IFFO2: variants seen among roughly 807,000 people sequenced by gnomAD.
IFFO2 encodes intermediate filament family orphan 2.
A neutral mutation model predicts 53.5 loss-of-function variants in IFFO2; 19 were observed. That is an observed-to-expected ratio of 0.36 (90% CI 0.25 to 0.52). The LOEUF (loss-of-function observed/expected upper bound fraction) is 0.52. Ranked by LOEUF, IFFO2 falls within the 20% of genes least tolerant of loss-of-function variation. The pLI, the probability that IFFO2 is intolerant of heterozygous loss-of-function variation, is 0.94. For synonymous variants in IFFO2, 303 were observed against 313.6 expected, an observed-to-expected ratio of 0.97 and a Z score of 0.36; for missense variants, 570 against 727.4, an observed-to-expected ratio of 0.78 and a Z score of 2.49.
chr1:18,924,963 A>G (rs1476192959), intron 1 of IFFO2, among the ~76,000 whole-genome samples: 2 of 152,194 alleles, frequency 1.3e-5, no homozygotes, highest in Non-Finnish European at 2.9e-5. Context: ...AAGTGGGAAA[A>G]TGAAGACCCA....
chr1:18,923,426 C>A (rs1936241738), intron 1 of IFFO2, among the ~76,000 whole-genome samples: 1 of 152,224 alleles, frequency 6.6e-6, no homozygotes, highest in African/African-American at 2.4e-5. Flanking sequence ...CCCAAGGTGA[C>A]AGCAGGAGCC....
chr1:18,932,670 T>C (rs562612280), intron 1 of IFFO2, among the ~76,000 whole-genome samples: 19 of 152,356 alleles, frequency 1.2e-4, no homozygotes, highest in African/African-American at 4.1e-4. Flanking sequence ...TGATTAGTCA[T>C]GGAACACGGC....
At chr1:18,937,126 T>C (rs1437150821) in intron 1 of IFFO2, among the ~76,000 whole-genome samples, 1 of 152,110 alleles carries the variant, frequency 6.6e-6, no homozygotes, top group Non-Finnish European at 1.5e-5. Flanking sequence ...CTGCCTGCCA[T>C]GCCGCTGGTA....
chr1:18,908,517 A>AG lies in IFFO2; in HGVS notation c.*43dup. 7.2e-7 allele frequency: 1 copy of AG among 1,388,650 alleles called. No individual in the cohort carries two copies. The highest frequency in any genetic ancestry group is 1.2e-5 in the South Asian group (1 of 80,914). The allele number at this position is 1,388,650 out of a possible 1,614,324, so 86.0% of individuals were successfully genotyped here. Reference sequence around the variant, plus strand: ...TCCTGGCCCCATGAGGAGAGGTGGCAGGGCCCCATCACCAAGACCACCAGG... The same window carrying AG: ...TCCTGGCCCCATGAGGAGAGGTGGCAGGGGCCCCATCACCAAGACCACCAGG... On this transcript the variant is annotated 3_prime_UTR_variant, in exon 9 of 9. Transcript: ENST00000455833.
intron 1 of IFFO2, among the ~76,000 whole-genome samples, chr1:18,939,479 G>A (rs989527794): frequency 3.3e-5 from 5 of 152,214 alleles, no homozygotes; most frequent in African/African-American, 4.8e-5. Flanking sequence ...GGAAAGATGG[G>A]ACCAGAGTGA....
chr1:18,910,221 G>A (rs574498574), intron 8 of IFFO2, 121 bp downstream of exon 8: 68 of 1,140,090 alleles, frequency 6.0e-5, no homozygotes, highest in Non-Finnish European at 7.3e-5. Context: ...ATGGACGGAC[G>A]GACGGACAGA....
At position 18,919,676 on chromosome 1, in the gene IFFO2, A is replaced by C; in HGVS notation, c.822+2T>G. 2.6e-6 allele frequency: 4 copies of C among 1,550,046 alleles called. No homozygotes were observed. The highest frequency in any genetic ancestry group is 3.5e-6 in the Non-Finnish European group (4 of 1,145,548). On this transcript the variant is annotated splice_donor_variant, in intron 3 of 8. Transcript: ENST00000455833. LOFTEE classifies it high-confidence loss of function. The surrounding 1 kb of genome is among the most constrained non-coding windows in gnomAD (Gnocchi z 4.9). Reference sequence around the variant, plus strand: ...CACCCAGGGGCGGCGGGCGGCACTTACGTCACTCATAAGCCCCTTAAACAC... The same window carrying C: ...CACCCAGGGGCGGCGGGCGGCACTTCCGTCACTCATAAGCCCCTTAAACAC...
chr1:18,908,521 C>A lies in IFFO2; in HGVS notation c.*40G>T. ...GGCCCCATGAGGAGAGGTGGCAGGG[C>A]CCCATCACCAAGACCACCAGGCTCG... On this transcript the variant is annotated 3_prime_UTR_variant, in exon 9 of 9. Coordinates refer to ENST00000455833, the MANE Select transcript of IFFO2 (RefSeq NM_001136265.2). 1 of 1,425,642 alleles carries A rather than the reference C, an allele frequency of 7.0e-7. No individual in the cohort carries two copies. The highest frequency in any genetic ancestry group is 1.2e-5 in the South Asian group (1 of 81,584). The allele number at this position is 1,425,642 out of a possible 1,614,324, so 88.3% of individuals were successfully genotyped here.
chr1:18,953,994 T>C (rs1423267180), intron 1 of IFFO2, among the ~76,000 whole-genome samples: 1 of 152,196 alleles, frequency 6.6e-6, no homozygotes, highest in Non-Finnish European at 1.5e-5. Context: ...AGTTTCACCA[T>C]TGAGAGCAAG....
chr1:18,913,827 T>G lies in IFFO2; in HGVS notation c.1104-1744A>C, dbSNP rs940107221. On this transcript the variant is annotated intron_variant, in intron 5 of 8. Transcript: ENST00000455833. ...TCGTTGTTTGTTGTTGTTGTTGTTT[T>G]TTTGTTTGTTTGTTTGTTTGTTTGA... Among the ~76,000 whole-genome samples the G allele has an allele frequency of 3.5e-4, 52 of 148,074 alleles. 1 individual carries two copies. Among genetic ancestry groups the G allele is most frequent in the South Asian group, 1.0e-3 (5 of 4,774 alleles).
chr1:18,908,442 G>C lies in IFFO2; in HGVS notation c.*119C>G. On this transcript the variant is annotated 3_prime_UTR_variant, in exon 9 of 9. Transcript: ENST00000455833. ...CCCTCAGGGCCTCCAGAGAAGGGAG[G>C]GCAGAGAAAGTCTGTGTGGTGTGGC... The C allele has an allele frequency of 5.7e-6, 4 of 706,908 alleles. No homozygotes were observed. The East Asian group carries it at 1.1e-4, about 20-fold the overall frequency. 43.8% of individuals were successfully genotyped at this position (706,908 alleles called of 1,614,324 possible).
chr1:18,914,288 G>T (rs1012247824), intron 5 of IFFO2, among the ~76,000 whole-genome samples: 1 of 152,150 alleles, frequency 6.6e-6, no homozygotes, highest in Non-Finnish European at 1.5e-5. Context: ...TTGCCCATGG[G>T]GCCCCCTGGC....
rs71577808 is a variant in IFFO2 at position 18,934,057 on chromosome 1, C to CTTTTTTTTTTTTTTTTTTTTT, written c.666-12957_666-12937dup. Among the ~76,000 whole-genome samples the CTTTTTTTTTTTTTTTTTTTTT allele has an allele frequency of 2.1e-4, 15 of 70,316 alleles. 4 individuals carry two copies. The highest frequency in any genetic ancestry group is 5.2e-4 in the South Asian group (1 of 1,930). The allele number at this position is 70,316 out of a possible 152,430, so 46.1% of individuals were successfully genotyped here. A position where few individuals can be genotyped will look rare whatever the true frequency, so the allele number is the denominator to read the frequency against. On this transcript the variant is annotated intron_variant, in intron 1 of 8. Transcript: ENST00000455833. ...TGTGAATAGCTTATTTCTCTTATTTCTTTTTTTTTTTTTTTTTTTTTTTTT... is the reference window on the plus strand; with the variant it reads ...TGTGAATAGCTTATTTCTCTTATTTCTTTTTTTTTTTTTTTTTTTTTTTTTTTTTTTTTTTTTTTTTTTTTT...
chr1:18,920,963 T>C, intron 2 of IFFO2, 98 bp downstream of exon 2: 1 of 1,027,908 alleles, frequency 9.7e-7, no homozygotes, highest in Non-Finnish European at 1.5e-6. Context: ...GTAGGGGCTG[T>C]GCAAGAATTT....
In IFFO2 at chr1:18,912,146, G is replaced by C. The variant is rs77793103; in HGVS notation, c.1104-63C>G. ...GGCAGGCTCCAGGGACCCATACAGG[G>C]GACAGAAAGGGGCAGCTGCCCAGCA... On this transcript the variant is annotated intron_variant, in intron 5 of 8. Coordinates refer to ENST00000455833, the MANE Select transcript of IFFO2 (RefSeq NM_001136265.2). 104 of 1,541,526 alleles carry C rather than the reference G, an allele frequency of 6.7e-5. No homozygotes were observed. In the African/African-American group the frequency reaches 1.2e-3, roughly 17 times the overall value.
At chr1:18,933,713 G>A (rs989830253) in intron 1 of IFFO2, among the ~76,000 whole-genome samples, 14 of 152,098 alleles carry the variant, frequency 9.2e-5, no homozygotes, top group African/African-American at 2.4e-4. Flanking sequence ...AGCCAAGATC[G>A]CGCCACTGCA....
intron 1 of IFFO2, among the ~76,000 whole-genome samples, chr1:18,941,722 G>A (rs1936524822): frequency 6.6e-6 from 1 of 152,198 alleles, no homozygotes. Context: ...AGGCAGGTTC[G>A]AATCCTGATC....
rs1935927211 is a variant in IFFO2 at position 18,905,029 on chromosome 1, T to A, written c.*3532A>T. 1 of 152,244 alleles carries A rather than the reference T, an allele frequency of 6.6e-6. No homozygotes were observed. The highest frequency in any genetic ancestry group is 1.5e-5 in the Non-Finnish European group (1 of 68,072). 9.4% of individuals were successfully genotyped at this position (152,244 alleles called of 1,614,324 possible). On this transcript the variant is annotated 3_prime_UTR_variant, in exon 9 of 9. Transcript: ENST00000455833. Reference sequence around the variant, plus strand: ...CAACCCTCTCCCAACGCAACTGGGTTGGAAATGGATCTCGGCAGACCAGAG... The same window carrying A: ...CAACCCTCTCCCAACGCAACTGGGTAGGAAATGGATCTCGGCAGACCAGAG...
intron 1 of IFFO2, among the ~76,000 whole-genome samples, chr1:18,953,311 T>C (rs1012716553): frequency 1.3e-5 from 2 of 152,160 alleles, no homozygotes; most frequent in African/African-American, 4.8e-5. Flanking sequence ...TTTTCAACTT[T>C]TTAAAAAATG....
Sources: gnomAD v4.1 joint callset for allele counts (sites outside exome capture counted in the v4.1 genomes callset) on GRCh38, gnomAD v4.1.1 for gene constraint, Gnocchi (gnomAD v3.1) non-coding constraint, MANE v1.5 for transcripts, NCBI Gene and HGNC (gene_info 2026-07-23, HGNC 2026-07-21) for gene names.